GALNT13: variants seen among roughly 807,000 people sequenced by gnomAD.
The protein encoded by GALNT13 is UDP-GalNAc:polypeptide N-acetylgalactosaminyltransferase 13.
GALNT13 carries 28 observed loss-of-function variants against 64.2 expected under a neutral mutation model. The observed-to-expected ratio is 0.44, with a 90% confidence interval of 0.32 to 0.60. The LOEUF is 0.60. Ranked by LOEUF, GALNT13 falls within the 20% of genes least tolerant of loss-of-function variation. GALNT13 has a pLI of 0.05. For missense variants in GALNT13, 577 were observed against 669.8 expected, an observed-to-expected ratio of 0.86 and a Z score of 1.53; for synonymous variants, 214 against 224.6, an observed-to-expected ratio of 0.95 and a Z score of 0.42.
chr2:153,384,047 G>T, the GALNT13 span, among the ~76,000 whole-genome samples: 13 of 151,998 alleles, frequency 8.6e-5, no homozygotes, highest in African/African-American at 3.1e-4. Flanking sequence ...ACTTTAGATA[G>T]CAAAAACCCA....
intron 4 of GALNT13, among the ~76,000 whole-genome samples, chr2:154,190,471 T>A (rs1344991375): frequency 6.6e-6 from 1 of 152,222 alleles, no homozygotes; most frequent in African/African-American, 2.4e-5. Context: ...TTTGAACTTT[T>A]AGGTTCAGGG....
intron 8 of GALNT13, among the ~76,000 whole-genome samples, chr2:154,273,456 C>T (rs766311536): frequency 6.6e-6 from 1 of 152,130 alleles, no homozygotes; most frequent in Non-Finnish European, 1.5e-5. Flanking sequence ...GTCATCCTCT[C>T]AGAATAATGT....
At chr2:153,624,885 G>T in the GALNT13 span, among the ~76,000 whole-genome samples, 2 of 150,096 alleles carry the variant, frequency 1.3e-5, no homozygotes, top group South Asian at 4.2e-4. Context: ...TCAGAAGACA[G>T]TTGATATACT....
chr2:154,032,717 A>G (rs1698414898), intron 3 of GALNT13, among the ~76,000 whole-genome samples: 1 of 151,910 alleles, frequency 6.6e-6, no homozygotes, highest in Non-Finnish European at 1.5e-5. Flanking sequence ...TTCCTGTTAA[A>G]CTTCTCAAAA....
At chr2:154,210,881 T>C (rs936093130) in intron 4 of GALNT13, among the ~76,000 whole-genome samples, 17 of 152,080 alleles carry the variant, frequency 1.1e-4, no homozygotes, top group Admixed American at 6.6e-5. Context: ...GATTTGATAG[T>C]TGGGAGGTGG....
In GALNT13 at chr2:153,952,223, C is replaced by A. The variant is rs538252280; in HGVS notation, c.142+7584C>A. 3.3e-5 allele frequency among the ~76,000 whole-genome samples: 5 copies of A among 152,262 alleles called. No individual in the cohort carries two copies. In the South Asian group the frequency reaches 1.0e-3, roughly 32 times the overall value. ...AATGATGCCACAGTGCACCTGCAAACACTTTGTGGAAATTTGAGGGCATGT... is the reference window on the plus strand; with the variant it reads ...AATGATGCCACAGTGCACCTGCAAAAACTTTGTGGAAATTTGAGGGCATGT... On this transcript the variant is annotated intron_variant, in intron 3 of 12. Coordinates refer to ENST00000392825, the MANE Select transcript of GALNT13 (RefSeq NM_052917.4).
the GALNT13 span, among the ~76,000 whole-genome samples, chr2:153,450,987 A>G: frequency 6.6e-6 from 1 of 152,218 alleles, no homozygotes; most frequent in African/African-American, 2.4e-5. Flanking sequence ...CCATAAATAC[A>G]AATAAAGCAT....
At chr2:153,873,608 T>C (rs2105215726) in intron 1 of GALNT13, among the ~76,000 whole-genome samples, 1 of 152,280 alleles carries the variant, frequency 6.6e-6, no homozygotes, top group Middle Eastern at 3.4e-3. Flanking sequence ...GAGGTATGCC[T>C]GCCTTAAACT....
chr2:154,318,306 A>C (rs969372625), intron 9 of GALNT13, among the ~76,000 whole-genome samples: 2 of 152,232 alleles, frequency 1.3e-5, no homozygotes, highest in Non-Finnish European at 2.9e-5. Context: ...AAAACGCCTT[A>C]AAAAACTTAA....
At chr2:153,974,795 C>G (rs967437191) in intron 3 of GALNT13, among the ~76,000 whole-genome samples, 1 of 151,852 alleles carries the variant, frequency 6.6e-6, no homozygotes, top group Non-Finnish European at 1.5e-5. Flanking sequence ...TTCAAGCTTC[C>G]TATTATTTGT....
At chr2:153,835,769 A>G in the GALNT13 span, among the ~76,000 whole-genome samples, 1 of 152,074 alleles carries the variant, frequency 6.6e-6, no homozygotes, top group Non-Finnish European at 1.5e-5. Flanking sequence ...CTTTAAATAT[A>G]TGTTTCAATA....
chr2:153,863,691 T>C, the GALNT13 span, among the ~76,000 whole-genome samples: 5 of 152,186 alleles, frequency 3.3e-5, no homozygotes, highest in Admixed American at 3.3e-4. Context: ...TCATAAGCTT[T>C]AATAAGCAAT....
chr2:153,602,072 G>A, the GALNT13 span, among the ~76,000 whole-genome samples: 1 of 151,818 alleles, frequency 6.6e-6, no homozygotes, highest in Non-Finnish European at 1.5e-5. Flanking sequence ...AGCAAAAATA[G>A]GGAAAGGCAA....
chr2:153,227,612 T>C, the GALNT13 span, among the ~76,000 whole-genome samples: 26,259 of 152,176 alleles, frequency 0.17, 2,346 homozygotes, highest in Non-Finnish European at 0.18. Context: ...TTAAATACAG[T>C]AACTAATCTG....
chr2:154,446,746 T>G (rs1353836461), intron 12 of GALNT13: 1 of 1,532,532 alleles, frequency 6.5e-7, no homozygotes. Context: ...ACTGATTACA[T>G]TCTCTAATGA....
chr2:153,301,309 C>CAAAAAAAAAAA, the GALNT13 span, among the ~76,000 whole-genome samples: 157 of 76,396 alleles, frequency 2.1e-3, 12 homozygotes, highest in African/African-American at 9.3e-3. Context: ...GACTCCTTCT[C>CAAAAAAAAAAA]AAAAAAAAAG....
the GALNT13 span, among the ~76,000 whole-genome samples, chr2:153,149,364 C>CT: frequency 6.6e-6 from 1 of 151,778 alleles, no homozygotes; most frequent in Non-Finnish European, 1.5e-5. Flanking sequence ...TGTCTGCTTT[C>CT]TTTTTTTCTG....
the GALNT13 span, among the ~76,000 whole-genome samples, chr2:153,127,709 A>G: frequency 6.6e-6 from 1 of 152,186 alleles, no homozygotes; most frequent in African/African-American, 2.4e-5. Context: ...TCATTATTTT[A>G]TTCTGAGCTT....
chr2:154,252,082 T>A (rs982262366), intron 7 of GALNT13, among the ~76,000 whole-genome samples: 1 of 151,476 alleles, frequency 6.6e-6, no homozygotes, highest in Non-Finnish European at 1.5e-5. Flanking sequence ...GATATTGTGT[T>A]ATTTGAACAT....
Sources: allele counts gnomAD v4.1 joint callset (sites outside exome capture counted in the v4.1 genomes callset), GRCh38; gene constraint gnomAD v4.1.1; transcripts MANE v1.5; gene names NCBI Gene and HGNC (gene_info 2026-07-23, HGNC 2026-07-21).